The following SYNE2 variants were observed in gnomAD, a reference collection of about 807,000 sequenced individuals.
The protein encoded by SYNE2 is spectrin repeat containing nuclear envelope protein 2, also known as nesprin-2.
Under a neutral mutation model 856.3 loss-of-function variants are expected in SYNE2, and 431 were observed. The observed-to-expected ratio is 0.50, with a 90% CI of 0.47 to 0.55. The LOEUF (loss-of-function observed/expected upper bound fraction) is 0.55, where lower values mean the gene tolerates loss of function less well. Among genes scored for constraint, SYNE2 ranks in the 20% least tolerant of loss-of-function variants. The probability of loss-of-function intolerance (pLI) is 0.00; values close to 1 mark genes in which losing one functional copy is unlikely to be tolerated. For missense variants in SYNE2, 8,129 were observed against 8,023.2 expected (o/e 1.01, Z -0.50); for synonymous variants, 2,923 against 2,872.3 (o/e 1.02, Z -0.56).
At position 64,070,677 on chromosome 14, in the gene SYNE2, T is replaced by G; in HGVS notation, c.10464T>G (p.Leu3488=). The change falls in exon 52 of 116, where the codon CTT becomes CTG. Residue 3488 remains leucine (L), a synonymous_variant. Coordinates refer to ENST00000555002, the MANE Select transcript of SYNE2 (RefSeq NM_182914.3). ...IEREAIILDN[L]QEELPEISKT... ...GAGAGGCAATTATTTTAGATAATCT[T>G]CAGGAAGAACTCCCTGAAATTTCCA... The G allele has an allele frequency of 6.2e-7, 1 of 1,613,900 alleles. No individual in the cohort carries two copies. The highest frequency in any genetic ancestry group is 8.5e-7 in the Non-Finnish European group (1 of 1,179,902).
chr14:63,793,720 T>G (rs950539721), intron 1 of SYNE2, among the ~76,000 whole-genome samples: 2 of 152,068 alleles, frequency 1.3e-5, no homozygotes, highest in Non-Finnish European at 2.9e-5. Context: ...GAGGATTGTT[T>G]GAGCCCAGGA....
At chr14:64,195,234 T>G (rs765491246) in intron 99 of SYNE2, among the ~76,000 whole-genome samples, 40 of 152,124 alleles carry the variant, frequency 2.6e-4, no homozygotes, top group Non-Finnish European at 4.3e-4. Flanking sequence ...TTTACATTGG[T>G]TTTTCTCTTG....
chr14:63,964,775 C>T (rs955319594), intron 10 of SYNE2, among the ~76,000 whole-genome samples: 3 of 151,976 alleles, frequency 2.0e-5, no homozygotes, highest in Non-Finnish European at 4.4e-5. Flanking sequence ...TCACCTGCCT[C>T]GGCCTCCCAA....
Position 64,142,069 on chromosome 14 carries a change from A to G in SYNE2, c.15287A>G (p.His5096Arg). The change falls in exon 82 of 116, where the codon CAT (histidine) becomes CGT (arginine). Residue 5096 changes from histidine to arginine, a missense_variant. Physicochemically the swap from His to Arg is conservative, Grantham distance 29. Coordinates refer to ENST00000555002, the MANE Select transcript of SYNE2 (RefSeq NM_182914.3). Reference sequence around the variant, plus strand: ...CCAAGTTCTGCATCTCAAGTTAAACATCTTCTTCAGAAGCACAAGGTAATT... The same window carrying G: ...CCAAGTTCTGCATCTCAAGTTAAACGTCTTCTTCAGAAGCACAAGGTAATT... Reference protein sequence around the residue: ...HSPSSASQVKHLLQKHKEFRM... With the variant: ...HSPSSASQVKRLLQKHKEFRM... 6 of 1,614,164 alleles carry G rather than the reference A, an allele frequency of 3.7e-6. No homozygotes were observed. The highest frequency in any genetic ancestry group is 1.1e-5 in the South Asian group (1 of 91,076).
At chr14:64,111,817 G>A (rs930522575) in intron 65 of SYNE2, among the ~76,000 whole-genome samples, 1 of 151,826 alleles carries the variant, frequency 6.6e-6, no homozygotes, top group African/African-American at 2.4e-5. Context: ...AAAAAGGTCA[G>A]GATTAAAAAA....
Position 64,126,588 on chromosome 14 carries a change from T to C in SYNE2, c.13708-10T>C. 1 of 1,614,192 alleles carries C rather than the reference T, an allele frequency of 6.2e-7. No individual in the cohort carries two copies. The highest frequency in any genetic ancestry group is 8.5e-7 in the Non-Finnish European group (1 of 1,180,026). On this transcript the variant is annotated splice_polypyrimidine_tract_variant and intron_variant, in intron 72 of 115. Transcript: ENST00000555002. ...AGCTCATTCATTGTCTTCCTTCCTC[T>C]CCACTCCAGACGCTGGCTCTTGAGT...
chr14:64,101,556 C>T (rs1370184007), intron 63 of SYNE2, among the ~76,000 whole-genome samples: 1 of 152,190 alleles, frequency 6.6e-6, no homozygotes, highest in Non-Finnish European at 1.5e-5. Context: ...GATCCTCCCA[C>T]TTCAGCCTCC....
chr14:64,093,386 T>C lies in SYNE2; in HGVS notation c.12014T>C (p.Ile4005Thr), dbSNP rs935741770. Reference sequence around the variant, plus strand: ...CAGACCAATGAATGGGATGAAGAAATAGAAAATTTGAAACAGATCTTAAAT... The same window carrying C: ...CAGACCAATGAATGGGATGAAGAAACAGAAAATTTGAAACAGATCTTAAAT... ...IKQTNEWDEEIENLKQILNNY... is the reference protein window; with the variant it reads ...IKQTNEWDEETENLKQILNNY... The change falls in exon 61 of 116, where the codon ATA becomes ACA. Residue 4005 changes from isoleucine to threonine, a missense_variant. Ile to Thr is a moderately conservative substitution (Grantham distance 89, BLOSUM62 -1). This residue lies in a region of SYNE2 where 5,410 missense variants were observed against 5,284.8 expected (regional missense o/e 1.02). Coordinates refer to ENST00000555002, the MANE Select transcript of SYNE2 (RefSeq NM_182914.3). 1 of 1,614,066 alleles carries C rather than the reference T, an allele frequency of 6.2e-7. No homozygotes were observed. Among genetic ancestry groups the C allele is most frequent in the African/African-American group, 1.3e-5 (1 of 75,054 alleles).
At chr14:64,047,941 T>G in intron 45 of SYNE2, 59 bp from the exon 46 acceptor site, 3 of 1,566,906 alleles carry the variant, frequency 1.9e-6, no homozygotes, top group South Asian at 2.3e-5. Context: ...TCAAGAAAAA[T>G]AAAAAGGATT....
In SYNE2 at chr14:63,963,931, T is replaced by G; in HGVS notation, c.921T>G (p.Thr307=). 1.9e-6 allele frequency: 3 copies of G among 1,613,106 alleles called. No homozygotes were observed. The highest frequency in any genetic ancestry group is 2.5e-6 in the Non-Finnish European group (3 of 1,179,228). Reference sequence around the variant, plus strand: ...TGAAAGATGCTATGGGCTGGTTAACTCTGCAAAAGGAAAAACTACAGAAGT... The same window carrying G: ...TGAAAGATGCTATGGGCTGGTTAACGCTGCAAAAGGAAAAACTACAGAAGT... ...GKVKDAMGWL[T]LQKEKLQKLL... Residue 307 remains threonine, a synonymous_variant, in exon 10 of 116, where the codon ACT becomes ACG. Transcript: ENST00000555002.
intron 112 of SYNE2, among the ~76,000 whole-genome samples, chr14:64,222,849 G>A (rs1024126756): frequency 4.6e-5 from 7 of 152,170 alleles, no homozygotes; most frequent in Non-Finnish European, 7.4e-5. Flanking sequence ...GCTGTTTCTC[G>A]GTTGATTGAC....
At chr14:64,130,344 T>A in intron 76 of SYNE2, 96 bp downstream of exon 76, 1 of 1,143,402 alleles carries the variant, frequency 8.7e-7, no homozygotes. Flanking sequence ...TCTTCTTTGT[T>A]GAAATTTAAG....
At position 64,065,606 on chromosome 14, in the gene SYNE2, T is replaced by C. The variant is rs1395216549; in HGVS notation, c.10387T>C (p.Trp3463Arg). The C allele has an allele frequency of 1.9e-6, 3 of 1,614,086 alleles. No individual in the cohort carries two copies. The highest frequency in any genetic ancestry group is 1.3e-5 in the African/African-American group (1 of 74,940). Residue 3463 changes from tryptophan to arginine, a missense_variant, in exon 51 of 116, where the codon TGG (tryptophan) becomes CGG (arginine). Transcript: ENST00000555002. ...LLEAAKEWEM[W>R]CEELKQEWKF... ...GGAAGCTGCTAAAGAGTGGGAGATG[T>C]GGTGCGAAGAACTGAAGCAGGAATG...
intron 1 of SYNE2, among the ~76,000 whole-genome samples, chr14:63,893,349 G>A (rs113322646): frequency 0.032 from 4,900 of 152,194 alleles, 280 homozygotes; most frequent in African/African-American, 0.11. Context: ...ACTTGAGTCC[G>A]GGAGCTCGAG....
chr14:64,183,627 T>C (rs1339400500), intron 96 of SYNE2, among the ~76,000 whole-genome samples: 4 of 152,064 alleles, frequency 2.6e-5, no homozygotes, highest in Non-Finnish European at 5.9e-5. Flanking sequence ...CTGGGCAACA[T>C]TGAGCACTGA....
In SYNE2 at chr14:64,026,696, G is replaced by C. The variant is rs764621284; in HGVS notation, c.6370G>C (p.Asp2124His). ...KTLTDISNQW[D>H]NTLHLASTYL... ...CCTCACTGACATCAGCAACCAGTGGGACAACACACTCCATTTAGCTAGCAC... is the reference window on the plus strand; with the variant it reads ...CCTCACTGACATCAGCAACCAGTGGCACAACACACTCCATTTAGCTAGCAC... Residue 2124 changes from aspartate (D) to histidine (H), a missense_variant, in exon 42 of 116, where the codon GAC becomes CAC. Physicochemically the swap from Asp to His is moderately conservative, Grantham distance 81. Around this residue, in one of 3 missense-constraint regions of SYNE2, gnomAD observed 297 missense variants for 380.9 expected, o/e 0.78. Coordinates refer to ENST00000555002, the MANE Select transcript of SYNE2 (RefSeq NM_182914.3). 5.0e-6 allele frequency: 8 copies of C among 1,611,708 alleles called. No individual in the cohort carries two copies. The highest frequency in any genetic ancestry group is 6.8e-6 in the Non-Finnish European group (8 of 1,178,884).
At position 64,059,492 on chromosome 14, in the gene SYNE2, CTTG is replaced by C. The variant is rs202240130; in HGVS notation, c.10067+3232_10067+3234del. 5.0e-3 allele frequency among the ~76,000 whole-genome samples: 764 copies of C among 152,330 alleles called. 2 individuals are homozygous for C. Among genetic ancestry groups the C allele is most frequent in the African/African-American group, 0.017 (717 of 41,580 alleles). ...TTCTCTGGATTAAGAGGCAGAGACT[CTTG>C]TTGTTTTCCCTCACTTTCTCCCAAA... is the stretch of plus-strand genomic sequence containing the variant. On this transcript the variant is annotated intron_variant, in intron 49 of 115. Coordinates refer to ENST00000555002, the MANE Select transcript of SYNE2 (RefSeq NM_182914.3).
intron 101 of SYNE2, 196 bp downstream of exon 101, chr14:64,209,141 G>T (rs1428840568): frequency 4.6e-6 from 4 of 870,806 alleles, no homozygotes; most frequent in South Asian, 1.6e-5. Context: ...CAGCTGTCCT[G>T]TGTGGGGTGT....
At chr14:64,192,125 G>C (rs2098521446) in intron 99 of SYNE2, among the ~76,000 whole-genome samples, 2 of 152,158 alleles carry the variant, frequency 1.3e-5, no homozygotes, top group African/African-American at 4.8e-5. Context: ...AGTGATGAGA[G>C]GTCTTTCCCT....
Sources: gnomAD v4.1 joint callset for allele counts (sites outside exome capture counted in the v4.1 genomes callset) on GRCh38, gnomAD v4.1.1 for gene constraint, gnomAD v4.1.1 regional missense constraint, MANE v1.5 for transcripts, NCBI Gene and HGNC (gene_info 2026-07-23, HGNC 2026-07-21) for gene names.